The following GALNT1 variants were observed in gnomAD, a reference collection of about 807,000 sequenced individuals.
The protein encoded by GALNT1 is GalNAc transferase 1.
GALNT1 carries 17 observed loss-of-function variants against 65.7 expected under a neutral mutation model. The ratio of observed to expected loss-of-function variants is 0.26; its 90% CI spans 0.18 to 0.39. The LOEUF (loss-of-function observed/expected upper bound fraction) is 0.39, where lower values mean the gene tolerates loss of function less well. Ranked by LOEUF, GALNT1 falls within the 10% of genes least tolerant of loss-of-function variation. GALNT1 has a pLI of 1.00. For synonymous variants in GALNT1, 210 were observed against 219.7 expected, an observed-to-expected ratio of 0.96 and a Z score of 0.39; for missense variants, 460 against 672.8, an observed-to-expected ratio of 0.68 and a Z score of 3.50.
At chr18:35,595,194 CA>C (rs34401728) in intron 1 of GALNT1, among the ~76,000 whole-genome samples, 15 of 151,802 alleles carry the variant, frequency 9.9e-5, no homozygotes, top group Non-Finnish European at 8.8e-5. Context: ...TAATATATAA[CA>C]AAAAAGTAAT....
At chr18:35,591,348 T>C (rs1952809168) in intron 1 of GALNT1, among the ~76,000 whole-genome samples, 1 of 152,248 alleles carries the variant, frequency 6.6e-6, no homozygotes, top group South Asian at 2.1e-4. Context: ...GAATGTAGGC[T>C]ATTGATAATT....
Position 35,707,563 on chromosome 18 carries a change from G to T in GALNT1, c.1534-2061G>T, listed in dbSNP as rs142704999. Among the ~76,000 whole-genome samples the T allele has an allele frequency of 3.2e-4, 49 of 152,350 alleles. No individual in the cohort carries two copies. The East Asian group carries it at 9.1e-3, about 28-fold the overall frequency. ...TGCTGCTCACCTTCCAAGTTATGGG[G>T]ATTCTGTCCTGATGTCGAATAGTTA... On this transcript the variant is annotated intron_variant, in intron 11 of 11. Coordinates refer to ENST00000269195, the MANE Select transcript of GALNT1 (RefSeq NM_020474.4).
intron 1 of GALNT1, among the ~76,000 whole-genome samples, chr18:35,642,381 C>T (rs898303930): frequency 1.3e-5 from 2 of 152,104 alleles, no homozygotes; most frequent in African/African-American, 4.8e-5. Flanking sequence ...CTTATAAGCA[C>T]TTCAGAAACA....
intron 9 of GALNT1, among the ~76,000 whole-genome samples, chr18:35,696,942 A>C (rs2048068157): frequency 6.6e-6 from 1 of 152,254 alleles, no homozygotes; most frequent in Non-Finnish European, 1.5e-5. Flanking sequence ...GGAGATACTG[A>C]TTCTGGAGGA....
At chr18:35,706,450 C>T (rs1041608486) in intron 11 of GALNT1, among the ~76,000 whole-genome samples, 10 of 152,022 alleles carry the variant, frequency 6.6e-5, no homozygotes, top group South Asian at 2.1e-4. Flanking sequence ...TGCAGTGAGC[C>T]GATACCGCGC....
chr18:35,605,626 C>T (rs1198738544), intron 1 of GALNT1, among the ~76,000 whole-genome samples: 2 of 151,908 alleles, frequency 1.3e-5, no homozygotes, highest in Non-Finnish European at 2.9e-5. Flanking sequence ...ATCTTCCTCC[C>T]TCCCTGTTTC....
At position 35,709,976 on chromosome 18, in the gene GALNT1, G is replaced by C; in HGVS notation, c.*206G>C. ...CTGTCCATGGACGTGAAACTGCATA[G>C]TAATGAGACTGTGCACACTGATGTT... On this transcript the variant is annotated 3_prime_UTR_variant, in exon 12 of 12. Transcript: ENST00000269195. 1.8e-6 allele frequency: 1 copy of C among 566,778 alleles called. No individual in the cohort carries two copies. The highest frequency in any genetic ancestry group is 3.0e-5 in the East Asian group (1 of 33,848). The allele number at this position is 566,778 out of a possible 1,614,324, so 35.1% of individuals were successfully genotyped here. A position where few individuals can be genotyped will look rare whatever the true frequency, so the allele number is the denominator to read the frequency against.
chr18:35,617,424 T>C (rs16966901), intron 1 of GALNT1, among the ~76,000 whole-genome samples: 15,029 of 152,264 alleles, frequency 0.099, 913 homozygotes, highest in African/African-American at 0.18. Flanking sequence ...TTTAGCTATC[T>C]GAAACACGTT....
intron 2 of GALNT1, among the ~76,000 whole-genome samples, chr18:35,663,189 T>C (rs1048718929): frequency 2.0e-5 from 3 of 152,098 alleles, no homozygotes; most frequent in African/African-American, 7.2e-5. Context: ...GTGAGGCACG[T>C]TGGAAGGAAG....
At chr18:35,606,397 C>A (rs1047522541) in intron 1 of GALNT1, among the ~76,000 whole-genome samples, 4 of 152,220 alleles carry the variant, frequency 2.6e-5, no homozygotes, top group Non-Finnish European at 5.9e-5. Flanking sequence ...TTTCACCTGT[C>A]TTTCAACTTG....
At position 35,656,787 on chromosome 18, in the gene GALNT1, G is replaced by A. The variant is rs542221165; in HGVS notation, c.139+1986G>A. Among the ~76,000 whole-genome samples, 7 of 152,252 alleles carry A rather than the reference G, an allele frequency of 4.6e-5. No individual in the cohort carries two copies. In the South Asian group the frequency reaches 1.2e-3, roughly 27 times the overall value. Reference sequence around the variant, plus strand: ...TTGGTGGTCATGTAACTGGTGGACTGGAAGAGGACGAGGCAGGTAGCAGAT... The same window carrying A: ...TTGGTGGTCATGTAACTGGTGGACTAGAAGAGGACGAGGCAGGTAGCAGAT... On this transcript the variant is annotated intron_variant, in intron 2 of 11. Coordinates refer to ENST00000269195, the MANE Select transcript of GALNT1 (RefSeq NM_020474.4).
intron 1 of GALNT1, among the ~76,000 whole-genome samples, chr18:35,649,395 T>TA (rs2047280681): frequency 6.6e-6 from 1 of 152,230 alleles, no homozygotes; most frequent in African/African-American, 2.4e-5. Flanking sequence ...TTGGATTGTT[T>TA]GTTTTCTTAC....
At chr18:35,650,804 A>G (rs1026853468) in intron 1 of GALNT1, among the ~76,000 whole-genome samples, 1 of 152,088 alleles carries the variant, frequency 6.6e-6, no homozygotes, top group Admixed American at 6.5e-5. Context: ...AGGTGCCCAG[A>G]TTTCATATTG....
chr18:35,670,319 T>C (rs16966989), intron 3 of GALNT1, among the ~76,000 whole-genome samples: 15,479 of 152,004 alleles, frequency 0.1, 1,012 homozygotes, highest in African/African-American at 0.19. Flanking sequence ...AAATATTCAG[T>C]AAGGTTGAAG....
intron 1 of GALNT1, among the ~76,000 whole-genome samples, chr18:35,633,259 G>A (rs2047042213): frequency 6.6e-6 from 1 of 152,088 alleles, no homozygotes; most frequent in African/African-American, 2.4e-5. Flanking sequence ...GTTTATTGTG[G>A]CACTATTCAC....
At chr18:35,701,080 TTTTC>T (rs1326086114) in intron 9 of GALNT1, among the ~76,000 whole-genome samples, 1 of 152,142 alleles carries the variant, frequency 6.6e-6, no homozygotes, top group East Asian at 1.9e-4. Context: ...ACTTTTTTTT[TTTTC>T]TTTAAGAGAC....
At chr18:35,586,435 G>T (rs186438379) in intron 1 of GALNT1, among the ~76,000 whole-genome samples, 3 of 152,190 alleles carry the variant, frequency 2.0e-5, no homozygotes, top group Non-Finnish European at 1.5e-5. Flanking sequence ...TAAATTTGTT[G>T]AAGTCCAGTT....
Position 35,700,133 on chromosome 18 carries a change from A to G in GALNT1, c.1300-2764A>G, listed in dbSNP as rs2048134271. On this transcript the variant is annotated intron_variant, in intron 9 of 11. Transcript: ENST00000269195. Reference sequence around the variant, plus strand: ...GGAAAACATCTTACACACCCCATAGATGAGGTAGTCCACATGTATCACTAC... The same window carrying G: ...GGAAAACATCTTACACACCCCATAGGTGAGGTAGTCCACATGTATCACTAC... Among the ~76,000 whole-genome samples the G allele has an allele frequency of 2.6e-5, 4 of 152,160 alleles. No individual in the cohort carries two copies. In the South Asian group the frequency reaches 8.3e-4, roughly 32 times the overall value.
At chr18:35,669,880 A>G (rs533024878) in intron 3 of GALNT1, among the ~76,000 whole-genome samples, 1 of 152,348 alleles carries the variant, frequency 6.6e-6, no homozygotes, top group Admixed American at 6.5e-5. Flanking sequence ...ACTGGAAGAG[A>G]GGAATTAAAA....
Sources: gnomAD v4.1 joint callset for allele counts (sites outside exome capture counted in the v4.1 genomes callset) on GRCh38, gnomAD v4.1.1 for gene constraint, MANE v1.5 for transcripts, NCBI Gene and HGNC (gene_info 2026-07-23, HGNC 2026-07-21) for gene names.